The following PLXDC2 variants were observed in gnomAD, a reference collection of about 807,000 sequenced individuals.
PLXDC2 encodes plexin domain-containing protein 2.
PLXDC2 carries 40 observed loss-of-function variants against 68.9 expected under a neutral mutation model. The ratio of observed to expected loss-of-function variants is 0.58; its 90% CI spans 0.45 to 0.76. The LOEUF is 0.76. PLXDC2 is among the 30% of genes least tolerant of loss of function. The pLI is 0.00. For synonymous variants in PLXDC2, 243 were observed against 234.2 expected (o/e 1.04, Z -0.34); for missense variants, 644 against 661.9 (o/e 0.97, Z 0.30).
At chr10:20,156,255 G>A (rs1834215605) in intron 6 of PLXDC2, among the ~76,000 whole-genome samples, 1 of 152,160 alleles carries the variant, frequency 6.6e-6, no homozygotes, top group African/African-American at 2.4e-5. Context: ...TTTGTGTGAA[G>A]TTCAGACTCT....
At chr10:20,190,894 T>A (rs1004770878) in intron 9 of PLXDC2, among the ~76,000 whole-genome samples, 1 of 151,870 alleles carries the variant, frequency 6.6e-6, no homozygotes, top group Non-Finnish European at 1.5e-5. Context: ...AAAATCGAAA[T>A]ATGACTATTT....
chr10:20,180,907 A>G (rs1412934940), intron 9 of PLXDC2, among the ~76,000 whole-genome samples: 1 of 152,032 alleles, frequency 6.6e-6, no homozygotes, highest in Non-Finnish European at 1.5e-5. Flanking sequence ...TTTCAACTGT[A>G]CCTTATAGCT....
At chr10:19,937,018 T>A (rs542579012) in intron 1 of PLXDC2, among the ~76,000 whole-genome samples, 2 of 152,214 alleles carry the variant, frequency 1.3e-5, no homozygotes, top group African/African-American at 4.8e-5. Flanking sequence ...GATGTTCCTA[T>A]TGACTTTGTA....
intron 1 of PLXDC2, among the ~76,000 whole-genome samples, chr10:19,896,501 C>G (rs1241020058): frequency 1.3e-5 from 2 of 152,120 alleles, no homozygotes; most frequent in Non-Finnish European, 2.9e-5. Context: ...TAAATAAGTC[C>G]TCAATAAATG....
At chr10:19,987,794 T>A (rs1329723761) in intron 1 of PLXDC2, among the ~76,000 whole-genome samples, 1 of 152,042 alleles carries the variant, frequency 6.6e-6, no homozygotes, top group African/African-American at 2.4e-5. Context: ...TCGATCGATC[T>A]CCCGACCTTG....
chr10:20,153,619 T>G (rs1834178319), intron 6 of PLXDC2, among the ~76,000 whole-genome samples: 1 of 152,156 alleles, frequency 6.6e-6, no homozygotes, highest in Non-Finnish European at 1.5e-5. Context: ...ATCTAGCATT[T>G]CTTGAGCTCT....
At chr10:20,122,122 A>G (rs1383348286) in intron 4 of PLXDC2, among the ~76,000 whole-genome samples, 2 of 152,054 alleles carry the variant, frequency 1.3e-5, no homozygotes, top group Non-Finnish European at 2.9e-5. Context: ...TAATGTAGTT[A>G]AAGTGTCTCA....
chr10:20,008,534 C>T (rs189228462), intron 2 of PLXDC2, among the ~76,000 whole-genome samples: 15 of 152,010 alleles, frequency 9.9e-5, no homozygotes, highest in South Asian at 4.2e-4. Context: ...GCCTGGGTGA[C>T]GAAAGTGAAA....
chr10:19,999,386 GT>G (rs1453938053), intron 1 of PLXDC2, among the ~76,000 whole-genome samples: 1 of 92,278 alleles, frequency 1.1e-5, no homozygotes, highest in African/African-American at 2.9e-5. Context: ...AGTTGTAGGT[GT>G]TTGTTTTTTT....
intron 6 of PLXDC2, among the ~76,000 whole-genome samples, 153 bp from the exon 7 acceptor site, chr10:20,164,315 C>T (rs1274478952): frequency 2.0e-5 from 3 of 152,086 alleles, no homozygotes; most frequent in East Asian, 1.9e-4. Context: ...TTTTTGGTTT[C>T]GTATGTCTCT....
At chr10:19,818,701 G>C (rs1466590628) in intron 1 of PLXDC2, among the ~76,000 whole-genome samples, 1 of 152,086 alleles carries the variant, frequency 6.6e-6, no homozygotes, top group African/African-American at 2.4e-5. Flanking sequence ...TATGCCTTTT[G>C]TTTATTTCTC....
At chr10:20,224,632 C>T (rs781552786) in intron 12 of PLXDC2, among the ~76,000 whole-genome samples, 2 of 152,108 alleles carry the variant, frequency 1.3e-5, no homozygotes, top group Non-Finnish European at 2.9e-5. Flanking sequence ...AGTCTTCAAC[C>T]AGATTCAACT....
intron 4 of PLXDC2, among the ~76,000 whole-genome samples, chr10:20,098,396 CT>C (rs1833380747): frequency 8.3e-6 from 1 of 120,752 alleles, no homozygotes; most frequent in South Asian, 3.7e-4. Flanking sequence ...TGTATGTAAT[CT>C]CCCATCTCCC....
intron 1 of PLXDC2, among the ~76,000 whole-genome samples, chr10:19,907,443 A>T (rs1450852803): frequency 2.6e-5 from 4 of 152,220 alleles, no homozygotes; most frequent in Admixed American, 2.0e-4. Context: ...ACAGCGAAGG[A>T]TAGTGTTCTG....
At chr10:20,082,652 C>A (rs1836589654) in intron 4 of PLXDC2, among the ~76,000 whole-genome samples, 1 of 152,122 alleles carries the variant, frequency 6.6e-6, no homozygotes, top group Non-Finnish European at 1.5e-5. Context: ...TCGTTATCCA[C>A]TAAAATATAA....
chr10:19,837,591 G>A (rs767582756), intron 1 of PLXDC2, among the ~76,000 whole-genome samples: 11 of 152,266 alleles, frequency 7.2e-5, no homozygotes, highest in Non-Finnish European at 1.3e-4. Context: ...TGTGCTTGCT[G>A]AAATGATCCG....
At chr10:20,099,432 T>A (rs1179683158) in intron 4 of PLXDC2, among the ~76,000 whole-genome samples, 1 of 152,208 alleles carries the variant, frequency 6.6e-6, no homozygotes, top group East Asian at 1.9e-4. Context: ...ATCATAGTTT[T>A]AAAAATCTTC....
At chr10:20,139,986 C>T (rs1394154494) in intron 4 of PLXDC2, among the ~76,000 whole-genome samples, 2 of 151,994 alleles carry the variant, frequency 1.3e-5, no homozygotes, top group Admixed American at 6.6e-5. Flanking sequence ...ACAAGTATCC[C>T]AGAACTTGAA....
intron 1 of PLXDC2, among the ~76,000 whole-genome samples, chr10:19,852,425 C>CAAAAAAAAAAAAAA (rs61430454): frequency 4.8e-5 from 3 of 61,930 alleles, no homozygotes; most frequent in Non-Finnish European, 8.7e-5. Flanking sequence ...GACCCTGTCT[C>CAAAAAAAAAAAAAA]AAAAAAAAAA....
Sources: allele counts gnomAD v4.1 joint callset (sites outside exome capture counted in the v4.1 genomes callset), GRCh38; gene constraint gnomAD v4.1.1; transcripts MANE v1.5; gene names NCBI Gene and HGNC (gene_info 2026-07-23, HGNC 2026-07-21).